Variants in CEP126 observed in about 807,000 individuals in gnomAD.
CEP126 encodes the protein centrosomal protein of 126 kDa.
A neutral mutation model predicts 107.8 loss-of-function variants in CEP126; 74 were observed. The observed-to-expected ratio is 0.69, with a 90% CI of 0.57 to 0.83. The LOEUF is 0.83. Ranked by LOEUF, CEP126 falls within the 40% of genes least tolerant of loss-of-function variation. CEP126 has a pLI of 0.00. For missense variants in CEP126, 1,237 were observed against 1,281.9 expected (o/e 0.96, Z 0.53); for synonymous variants, 449 against 446.0 (o/e 1.01, Z -0.08).
chr11:101,938,159 C>CAA (rs1491167740), intron 2 of CEP126, among the ~76,000 whole-genome samples: 1,264 of 39,186 alleles, frequency 0.032, 127 homozygotes, highest in African/African-American at 0.052. Flanking sequence ...GACTCTGTCT[C>CAA]AAAAAAAAAA....
At chr11:101,920,408 T>C (rs757343143) in intron 1 of CEP126, among the ~76,000 whole-genome samples, 18 of 152,190 alleles carry the variant, frequency 1.2e-4, no homozygotes, top group Non-Finnish European at 2.1e-4. Flanking sequence ...ATTTATGAGA[T>C]TTTTACAATC....
chr11:101,949,482 T>C (rs1031377387), intron 4 of CEP126, among the ~76,000 whole-genome samples: 2 of 152,142 alleles, frequency 1.3e-5, no homozygotes, highest in African/African-American at 4.8e-5. Flanking sequence ...ATGGATATGG[T>C]CAACTGTGGA....
At chr11:101,956,394 G>C (rs939901348) in intron 4 of CEP126, 1 of 456,102 alleles carries the variant, frequency 2.2e-6, no homozygotes, top group African/African-American at 2.0e-5. Flanking sequence ...CATCCTGCTA[G>C]CTTGGATCCT....
intron 1 of CEP126, among the ~76,000 whole-genome samples, chr11:101,921,510 C>A (rs1940325353): frequency 1.3e-5 from 2 of 151,810 alleles, no homozygotes; most frequent in South Asian, 2.1e-4. Flanking sequence ...AGTTCGAGAC[C>A]AGGCTGACCA....
rs768562021 is a variant in CEP126 at position 101,963,164 on chromosome 11, C to T, written c.2129C>T (p.Pro710Leu). Residue 710 changes from proline to leucine, a missense_variant, in exon 6 of 11, where the codon CCT (proline) becomes CTT (leucine). By Grantham distance (98) the Pro-to-Leu change is moderately conservative. Transcript: ENST00000263468. ...GGAGGATCTGGAGCAGACCATATGC[C>T]TTTGAACTGTTTTATACCTTCAGGT... ...TLGGSGADHM[P>L]LNCFIPSGYN... The T allele has an allele frequency of 3.1e-6, 5 of 1,613,934 alleles. No individual in the cohort carries two copies. The Admixed American group carries it at 6.7e-5, about 22-fold the overall frequency.
intron 1 of CEP126, among the ~76,000 whole-genome samples, chr11:101,918,644 T>C (rs55854855): frequency 0.032 from 4,910 of 152,250 alleles, 124 homozygotes; most frequent in African/African-American, 0.067. Flanking sequence ...GATATAAAAA[T>C]GCATATGCCT....
chr11:101,924,081 C>T (rs1940371849), intron 2 of CEP126, among the ~76,000 whole-genome samples: 2 of 152,108 alleles, frequency 1.3e-5, no homozygotes, highest in African/African-American at 4.8e-5. Flanking sequence ...TGTATTCTCT[C>T]ATCAAATGTA....
At chr11:101,939,120 C>T (rs187270341) in intron 2 of CEP126, among the ~76,000 whole-genome samples, 24 of 152,232 alleles carry the variant, frequency 1.6e-4, no homozygotes, top group Non-Finnish European at 2.5e-4. Context: ...TATATTCTTA[C>T]TGATACTTTT....
chr11:101,943,265 T>C (rs1940690269), intron 2 of CEP126, among the ~76,000 whole-genome samples: 4 of 152,066 alleles, frequency 2.6e-5, no homozygotes, highest in Admixed American at 2.0e-4. Flanking sequence ...TCTCCTATGT[T>C]GGACCACTTG....
chr11:101,975,932 GCA>G (rs1377949909), intron 6 of CEP126, among the ~76,000 whole-genome samples: 1 of 152,138 alleles, frequency 6.6e-6, no homozygotes, highest in Non-Finnish European at 1.5e-5. Flanking sequence ...TTTTATGGCT[GCA>G]TAGTACTCCA....
Position 101,943,503 on chromosome 11 carries a change from C to CTT in CEP126, c.249-750_249-749dup, listed in dbSNP as rs397705130. Among the ~76,000 whole-genome samples, 38 of 141,260 alleles carry CTT rather than the reference C, an allele frequency of 2.7e-4. No individual in the cohort carries two copies. The East Asian group carries it at 4.5e-3, about 17-fold the overall frequency. The allele number at this position is 141,260 out of a possible 152,430, so 92.7% of individuals were successfully genotyped here. ...CCAGTGATTTGTAGGCTTGCCTTTTCTTTTTTTTTTTTTCATTTTCCAGCA... is the reference window on the plus strand; with the variant it reads ...CCAGTGATTTGTAGGCTTGCCTTTTCTTTTTTTTTTTTTTTCATTTTCCAGCA... On this transcript the variant is annotated intron_variant, in intron 2 of 10. Transcript: ENST00000263468.
intron 2 of CEP126, among the ~76,000 whole-genome samples, chr11:101,933,241 G>A (rs575253398): frequency 6.6e-6 from 1 of 152,240 alleles, no homozygotes; most frequent in Admixed American, 6.5e-5. Flanking sequence ...AAGCAATGCA[G>A]AAAAGTAAGT....
chr11:101,949,425 A>C (rs187154104), intron 4 of CEP126, among the ~76,000 whole-genome samples: 1 of 152,324 alleles, frequency 6.6e-6, no homozygotes, highest in East Asian at 1.9e-4. Flanking sequence ...TATATAGCCT[A>C]GAGCTCAAGA....
intron 4 of CEP126, 136 bp downstream of exon 4, chr11:101,948,278 T>C (rs1403641131): frequency 6.2e-6 from 3 of 483,716 alleles, no homozygotes; most frequent in Non-Finnish European, 7.2e-6. Context: ...ACAGATTAAA[T>C]TGAGGTAGAA....
chr11:101,925,935 A>C (rs897941212), intron 2 of CEP126, among the ~76,000 whole-genome samples: 3 of 151,042 alleles, frequency 2.0e-5, no homozygotes, highest in African/African-American at 7.3e-5. Context: ...GATTACGGGC[A>C]TGAGCCACTG....
intron 7 of CEP126, among the ~76,000 whole-genome samples, chr11:101,980,221 C>T (rs1941240330): frequency 6.6e-6 from 1 of 152,128 alleles, no homozygotes; most frequent in Non-Finnish European, 1.5e-5. Flanking sequence ...ACAAATAAAA[C>T]AATGCCTAAC....
At chr11:101,984,243 C>T (rs1311808219) in intron 8 of CEP126, among the ~76,000 whole-genome samples, 1 of 152,136 alleles carries the variant, frequency 6.6e-6, no homozygotes, top group East Asian at 1.9e-4. Flanking sequence ...GCCATACATG[C>T]TGTTGCAAAC....
chr11:101,950,245 G>A (rs1429905502), intron 4 of CEP126, among the ~76,000 whole-genome samples: 1 of 152,078 alleles, frequency 6.6e-6, no homozygotes, highest in East Asian at 1.9e-4. Flanking sequence ...GAAATGGAGA[G>A]CAAAAAGGAT....
At chr11:101,969,673 A>G (rs927051766) in intron 6 of CEP126, among the ~76,000 whole-genome samples, 2 of 152,244 alleles carry the variant, frequency 1.3e-5, no homozygotes, top group African/African-American at 2.4e-5. Context: ...AACAAATGCA[A>G]TAATCTTGAA....
Sources: allele counts gnomAD v4.1 joint callset (sites outside exome capture counted in the v4.1 genomes callset), GRCh38; gene constraint gnomAD v4.1.1; transcripts MANE v1.5; gene names NCBI Gene and HGNC (gene_info 2026-07-23, HGNC 2026-07-21).